The following SGCZ variants were observed in gnomAD, a reference collection of about 807,000 sequenced individuals.
SGCZ encodes sarcoglycan zeta.
SGCZ carries 40 observed loss-of-function variants against 41.3 expected under a neutral mutation model. That is an observed-to-expected ratio of 0.97 (90% CI 0.75 to 1.26). SGCZ has a LOEUF of 1.26. Ranked by LOEUF, SGCZ falls within the 50% of genes most tolerant of loss-of-function variation. The pLI, the probability that SGCZ is intolerant of heterozygous loss-of-function variation, is 0.00. For missense variants in SGCZ, 552 were observed against 369.8 expected (o/e 1.49, Z -4.04); for synonymous variants, 206 against 137.5 (o/e 1.50, Z -3.49).
At chr8:15,016,738 A>G (rs1423470824) in intron 1 of SGCZ, among the ~76,000 whole-genome samples, 1 of 152,182 alleles carries the variant, frequency 6.6e-6, no homozygotes, top group Admixed American at 6.5e-5. Flanking sequence ...ATGTATAAAG[A>G]AAAGAGGTTT....
intron 1 of SGCZ, among the ~76,000 whole-genome samples, chr8:14,891,973 C>T (rs777711999): frequency 9.2e-5 from 14 of 152,220 alleles, no homozygotes; most frequent in African/African-American, 2.2e-4. Context: ...ACTTAACAGA[C>T]ATCACATAAT....
chr8:14,260,165 C>A (rs1199885336), intron 3 of SGCZ, among the ~76,000 whole-genome samples: 2 of 152,026 alleles, frequency 1.3e-5, no homozygotes, highest in Non-Finnish European at 2.9e-5. Flanking sequence ...AGGCAACCTA[C>A]AGAATGGGAG....
intron 1 of SGCZ, among the ~76,000 whole-genome samples, chr8:14,950,806 A>G (rs1037850222): frequency 1.3e-5 from 2 of 152,054 alleles, no homozygotes; most frequent in Non-Finnish European, 2.9e-5. Context: ...TATTATTAAT[A>G]TTACCCATAA....
At chr8:14,741,818 G>A (rs780920700) in intron 1 of SGCZ, among the ~76,000 whole-genome samples, 2 of 151,800 alleles carry the variant, frequency 1.3e-5, no homozygotes, top group African/African-American at 2.4e-5. Context: ...CAATTATGTC[G>A]GTAAAGCTTA....
chr8:14,556,096 T>C (rs1804027180), intron 1 of SGCZ, among the ~76,000 whole-genome samples: 1 of 151,826 alleles, frequency 6.6e-6, no homozygotes, highest in Non-Finnish European at 1.5e-5. Flanking sequence ...CTTAGAAATA[T>C]GGATAAGAAG....
At chr8:14,388,353 G>C (rs1478662240) in intron 2 of SGCZ, among the ~76,000 whole-genome samples, 1 of 151,970 alleles carries the variant, frequency 6.6e-6, no homozygotes, top group Non-Finnish European at 1.5e-5. Flanking sequence ...AGAGAAAAGA[G>C]AATTGGTCAA....
chr8:14,836,660 G>A (rs1396887114), intron 1 of SGCZ, among the ~76,000 whole-genome samples: 1 of 152,080 alleles, frequency 6.6e-6, no homozygotes, highest in African/African-American at 2.4e-5. Context: ...ACCATACCCA[G>A]GTAATTCTTT....
intron 1 of SGCZ, among the ~76,000 whole-genome samples, chr8:15,173,351 CTTAT>C (rs1359954634): frequency 3.9e-5 from 6 of 152,146 alleles, no homozygotes; most frequent in African/African-American, 1.4e-4. Context: ...CAACGTTTAA[CTTAT>C]TTAAGTCTCA....
chr8:14,853,446 G>C (rs780244157), intron 1 of SGCZ: 3 of 532,480 alleles, frequency 5.6e-6, no homozygotes, highest in South Asian at 4.2e-5. Flanking sequence ...TGCTCTTTCT[G>C]ACCAGGCAGT....
At chr8:14,940,268 T>A (rs1236056499) in intron 1 of SGCZ, among the ~76,000 whole-genome samples, 2 of 152,170 alleles carry the variant, frequency 1.3e-5, no homozygotes, top group Non-Finnish European at 2.9e-5. Flanking sequence ...TAACTATAGC[T>A]ACAGTGACAA....
At chr8:15,103,596 A>G (rs1295562104) in intron 1 of SGCZ, among the ~76,000 whole-genome samples, 1 of 152,120 alleles carries the variant, frequency 6.6e-6, no homozygotes, top group African/African-American at 2.4e-5. Flanking sequence ...GTCTAAGCCA[A>G]GTCAAACTAG....
chr8:15,182,189 A>T (rs750585858), intron 1 of SGCZ, among the ~76,000 whole-genome samples: 2 of 152,232 alleles, frequency 1.3e-5, no homozygotes, highest in Admixed American at 1.3e-4. Flanking sequence ...ATGTTTTTCC[A>T]GATGCCAATA....
Position 14,356,739 on chromosome 8 carries a change from T to C in SGCZ, c.235-32535A>G, listed in dbSNP as rs140715210. ...ATTTGATTATATATATTTTTAATAT[T>C]GTCTTTTCAATATCACTAATTCAAG... On this transcript the variant is annotated intron_variant, in intron 2 of 7. Coordinates refer to ENST00000382080, the MANE Select transcript of SGCZ (RefSeq NM_139167.4). 2.0e-3 allele frequency among the ~76,000 whole-genome samples: 304 copies of C among 152,238 alleles called. 1 individual carries two copies. Among genetic ancestry groups the C allele is most frequent in the African/African-American group, 7.2e-3 (298 of 41,570 alleles).
chr8:14,254,488 A>T (rs1300770491), intron 3 of SGCZ, among the ~76,000 whole-genome samples: 1 of 152,348 alleles, frequency 6.6e-6, no homozygotes, highest in Admixed American at 6.5e-5. Flanking sequence ...TTAGGTCAAA[A>T]ATAAGTGAAG....
chr8:14,203,047 C>A (rs1316436284), intron 4 of SGCZ, among the ~76,000 whole-genome samples: 1 of 152,136 alleles, frequency 6.6e-6, no homozygotes, highest in African/African-American at 2.4e-5. Flanking sequence ...TTGGCTGCTG[C>A]CATCCATGTA....
chr8:14,851,383 A>AG (rs1554511550), intron 1 of SGCZ, among the ~76,000 whole-genome samples: 4 of 143,236 alleles, frequency 2.8e-5, no homozygotes, highest in Non-Finnish European at 4.6e-5. Context: ...AAAAAAAAAA[A>AG]AAAAAAAGAA....
chr8:14,126,222 A>G (rs1802855029), intron 5 of SGCZ, among the ~76,000 whole-genome samples: 2 of 152,242 alleles, frequency 1.3e-5, no homozygotes, highest in Non-Finnish European at 2.9e-5. Flanking sequence ...AATATTTGCA[A>G]TCTACCCATT....
intron 1 of SGCZ, among the ~76,000 whole-genome samples, chr8:14,837,234 G>T (rs1802729109): frequency 6.6e-6 from 1 of 152,150 alleles, no homozygotes; most frequent in East Asian, 1.9e-4. Context: ...GATACAGTGG[G>T]TGATCAGGAA....
chr8:15,151,842 T>A (rs184536036), intron 1 of SGCZ, among the ~76,000 whole-genome samples: 1 of 152,198 alleles, frequency 6.6e-6, no homozygotes, highest in Non-Finnish European at 1.5e-5. Flanking sequence ...TAATGATCCA[T>A]CAATATACTG....
Sources: allele counts gnomAD v4.1 joint callset (sites outside exome capture counted in the v4.1 genomes callset), GRCh38; gene constraint gnomAD v4.1.1; transcripts MANE v1.5; gene names NCBI Gene and HGNC (gene_info 2026-07-23, HGNC 2026-07-21).